MYOCD: variants seen among roughly 807,000 people sequenced by gnomAD.
MYOCD encodes myocardin.
A neutral mutation model predicts 96.1 loss-of-function variants in MYOCD; 32 were observed. That is an observed-to-expected ratio of 0.33 (90% confidence interval 0.25 to 0.45). The LOEUF is 0.45. Ranked by LOEUF, MYOCD falls within the 20% of genes least tolerant of loss-of-function variation. The probability of loss-of-function intolerance (pLI) is 1.00; values close to 1 mark genes in which losing one functional copy is unlikely to be tolerated. For missense variants in MYOCD, 1,133 were observed against 1,200.6 expected (o/e 0.94, Z 0.83); for synonymous variants, 469 against 469.0 (o/e 1.00, Z 0.00).
chr17:12,693,381 G>A, intron 1 of MYOCD, among the ~76,000 whole-genome samples: 1 of 151,918 alleles, frequency 6.6e-6, no homozygotes, highest in East Asian at 1.9e-4. Flanking sequence ...AGGCCGAGGT[G>A]GGCGGATCAC....
intron 1 of MYOCD, among the ~76,000 whole-genome samples, chr17:12,695,320 TCCTTTATAAGGGCA>T (rs1488990763): frequency 3.3e-5 from 5 of 152,264 alleles, no homozygotes; most frequent in African/African-American, 1.2e-4. Flanking sequence ...CTCTGAAGCC[TCCTTTATAAGGGCA>T]CCAATCCCAA....
chr17:12,767,919 T>C lies in MYOCD; in HGVS notation c.*4275T>C, dbSNP rs1339394311. ...AAAGGGACACTTACTGGTGAGCCTC[T>C]GGCCCTTAAAAGAAAATCATCTAAG... On this transcript the variant is annotated 3_prime_UTR_variant, in exon 14 of 14. Transcript: ENST00000425538. 1.3e-5 allele frequency: 2 copies of C among 152,166 alleles called. No homozygotes were observed. Among genetic ancestry groups the C allele is most frequent in the African/African-American group, 4.8e-5 (2 of 41,444 alleles). 9.4% of individuals were successfully genotyped at this position (152,166 alleles called of 1,614,324 possible).
intron 5 of MYOCD, among the ~76,000 whole-genome samples, chr17:12,733,725 G>T (rs949194107): frequency 1.4e-4 from 21 of 152,156 alleles, no homozygotes; most frequent in Non-Finnish European, 1.3e-4. Flanking sequence ...AAATTAGCTG[G>T]GCATGGTGGC....
chr17:12,752,370 T>C, intron 9 of MYOCD, 44 bp from the exon 10 acceptor site: 1 of 1,491,394 alleles, frequency 6.7e-7, no homozygotes, highest in Non-Finnish European at 9.1e-7. Context: ...CTTTTAAAAA[T>C]ATTGTCGTTA....
chr17:12,738,535 A>G (rs1044097168), intron 6 of MYOCD, among the ~76,000 whole-genome samples: 12 of 150,918 alleles, frequency 8.0e-5, no homozygotes, highest in East Asian at 2.0e-4. Flanking sequence ...ACACATGTGC[A>G]CACACACACA....
chr17:12,720,432 A>G (rs2031797417), intron 4 of MYOCD: 1 of 152,076 alleles, frequency 6.6e-6, no homozygotes, highest in Non-Finnish European at 1.5e-5. Flanking sequence ...CCCTGTCCTG[A>G]ATTCTTTCTC....
At chr17:12,746,142 G>A (rs1597802703) in intron 9 of MYOCD, 70 bp downstream of exon 9, 5 of 1,500,114 alleles carry the variant, frequency 3.3e-6, no homozygotes, top group Non-Finnish European at 4.6e-6. Flanking sequence ...ACATCACCAG[G>A]ACCAACTGAT....
Position 12,767,908 on chromosome 17 carries a change from T to A in MYOCD, c.*4264T>A, listed in dbSNP as rs959224657. 6.6e-6 allele frequency: 1 copy of A among 152,196 alleles called. No individual in the cohort carries two copies. The highest frequency in any genetic ancestry group is 1.5e-5 in the Non-Finnish European group (1 of 68,036). The allele number at this position is 152,196 out of a possible 1,614,324, so 9.4% of individuals were successfully genotyped here. ...CTCTATAGACAAAAGGGACACTTAC[T>A]GGTGAGCCTCTGGCCCTTAAAAGAA... is the stretch of plus-strand genomic sequence containing the variant. On this transcript the variant is annotated 3_prime_UTR_variant, in exon 14 of 14. Coordinates refer to ENST00000425538, the MANE Select transcript of MYOCD (RefSeq NM_001146312.3).
chr17:12,714,361 A>ACACACACACACACACACACACACC (rs149778201), intron 2 of MYOCD, among the ~76,000 whole-genome samples: 1 of 148,258 alleles, frequency 6.7e-6, no homozygotes. Flanking sequence ...ACACACACAC[A>ACACACACACACACACACACACACC]CCCCGATCTG....
chr17:12,747,227 CTT>C (rs1332938946), intron 9 of MYOCD, among the ~76,000 whole-genome samples: 2 of 152,084 alleles, frequency 1.3e-5, no homozygotes, highest in East Asian at 3.9e-4. Flanking sequence ...AGCTAAGTAA[CTT>C]ATTTCAAGGG....
chr17:12,690,163 G>A (rs1339791290), intron 1 of MYOCD, among the ~76,000 whole-genome samples: 1 of 151,626 alleles, frequency 6.6e-6, no homozygotes, highest in Admixed American at 6.6e-5. Context: ...GATCTCCTAA[G>A]TCTATAAGGA....
chr17:12,765,340 G>T lies in MYOCD; in HGVS notation c.*1696G>T, dbSNP rs1001532261. Reference sequence around the variant, plus strand: ...AAAAAAAAAAAAAAAGTTGTTCACTGTGCACTTATAGAAAAAATAATCAAA... The same window carrying T: ...AAAAAAAAAAAAAAAGTTGTTCACTTTGCACTTATAGAAAAAATAATCAAA... On this transcript the variant is annotated 3_prime_UTR_variant, in exon 14 of 14. Transcript: ENST00000425538. 1 of 150,550 alleles carries T rather than the reference G, an allele frequency of 6.6e-6. No homozygotes were observed. The highest frequency in any genetic ancestry group is 1.5e-5 in the Non-Finnish European group (1 of 67,760). 9.3% of individuals were successfully genotyped at this position (150,550 alleles called of 1,614,324 possible). A position where few individuals can be genotyped will look rare whatever the true frequency, so the allele number is the denominator to read the frequency against.
chr17:12,715,123 C>G (rs1597773650), intron 2 of MYOCD, among the ~76,000 whole-genome samples: 1 of 152,124 alleles, frequency 6.6e-6, no homozygotes, highest in Non-Finnish European at 1.5e-5. Context: ...ATCCCCCAAG[C>G]CTTTTGCACT....
chr17:12,681,339 G>T (rs1597728986), intron 1 of MYOCD, among the ~76,000 whole-genome samples: 2 of 152,270 alleles, frequency 1.3e-5, no homozygotes, highest in Middle Eastern at 3.4e-3. Context: ...TAACATGAAA[G>T]CCTCAAGCTC....
chr17:12,688,582 CTCCTTCCTTCCATCTCCT>C (rs2030267957), intron 1 of MYOCD, among the ~76,000 whole-genome samples: 2 of 124,564 alleles, frequency 1.6e-5, no homozygotes, highest in Non-Finnish European at 3.2e-5. Flanking sequence ...ATCTCCGTCC[CTCCTTCCTTCCATCTCCT>C]TCCTTCCTTC....
intron 1 of MYOCD, among the ~76,000 whole-genome samples, chr17:12,683,579 A>G (rs774826839): frequency 6.6e-6 from 1 of 152,140 alleles, no homozygotes; most frequent in African/African-American, 2.4e-5. Flanking sequence ...ACACACATAC[A>G]CATACACATA....
At chr17:12,742,922 A>C (rs1161812006) in intron 7 of MYOCD, among the ~76,000 whole-genome samples, 11 of 152,156 alleles carry the variant, frequency 7.2e-5, no homozygotes, top group Non-Finnish European at 1.2e-4. Context: ...ATTCCTTCCT[A>C]ATATACAAAG....
intron 1 of MYOCD, among the ~76,000 whole-genome samples, chr17:12,701,859 G>A (rs750812870): frequency 1.2e-4 from 19 of 152,002 alleles, no homozygotes; most frequent in Non-Finnish European, 2.2e-4. Flanking sequence ...AAAGATTTTT[G>A]TTAATAGTAT....
chr17:12,676,245 GCACACACACACACACACACACACACA>G (rs36211306), intron 1 of MYOCD, among the ~76,000 whole-genome samples: 142 of 145,674 alleles, frequency 9.7e-4, no homozygotes, highest in African/African-American at 3.4e-3. Flanking sequence ...GCGCGCGCAC[GCACACACACACACACACACACACACA>G]CACACACACA....
Sources: allele counts gnomAD v4.1 joint callset (sites outside exome capture counted in the v4.1 genomes callset), GRCh38; gene constraint gnomAD v4.1.1; transcripts MANE v1.5; gene names NCBI Gene and HGNC (gene_info 2026-07-23, HGNC 2026-07-21).